The following NLGN1 variants were observed in gnomAD, a reference collection of about 807,000 sequenced individuals.
NLGN1 encodes the protein neuroligin 1, also known as neuroligin-1.
Under a neutral mutation model 65.5 loss-of-function variants are expected in NLGN1, and 12 were observed. The ratio of observed to expected loss-of-function variants is 0.18; its 90% CI spans 0.12 to 0.30. NLGN1 has a LOEUF of 0.30. Ranked by LOEUF, NLGN1 falls within the 10% of genes least tolerant of loss-of-function variation. The probability of loss-of-function intolerance (pLI) is 1.00; values close to 1 mark genes in which losing one functional copy is unlikely to be tolerated. For synonymous variants in NLGN1, 350 were observed against 359.5 expected, an observed-to-expected ratio of 0.97 and a Z score of 0.30; for missense variants, 750 against 1,007.1, an observed-to-expected ratio of 0.74 and a Z score of 3.46.
intron 4 of NLGN1, among the ~76,000 whole-genome samples, chr3:173,822,960 T>C (rs1173172766): frequency 6.6e-6 from 1 of 152,046 alleles, no homozygotes; most frequent in East Asian, 1.9e-4. Context: ...TTTTTGGAAA[T>C]AGAATTAAAA....
chr3:173,993,426 C>T (rs531738404), intron 4 of NLGN1, among the ~76,000 whole-genome samples: 4 of 152,180 alleles, frequency 2.6e-5, no homozygotes, highest in African/African-American at 9.7e-5. Context: ...ATATGATTCA[C>T]TCTCTTTGTT....
rs534613206 is a variant in NLGN1 at position 174,285,067 on chromosome 3, C to T, written c.*3764C>T. The T allele has an allele frequency of 2.6e-5, 4 of 151,334 alleles. No individual in the cohort carries two copies. The South Asian group carries it at 6.2e-4, about 24-fold the overall frequency. 9.4% of individuals were successfully genotyped at this position (151,334 alleles called of 1,614,324 possible). On this transcript the variant is annotated 3_prime_UTR_variant, in exon 7 of 7. Coordinates refer to ENST00000457714, the Ensembl canonical transcript of NLGN1. ...CTCTTGCCACACTCATCCTGACATA[C>T]GTATTAATATCAAAAAATGATACAA... is the stretch of plus-strand genomic sequence containing the variant.
At chr3:174,066,195 G>T (rs1738509015) in intron 4 of NLGN1, among the ~76,000 whole-genome samples, 1 of 152,048 alleles carries the variant, frequency 6.6e-6, no homozygotes, top group African/African-American at 2.4e-5. Flanking sequence ...AATTATTTAT[G>T]ATCTCACTAA....
intron 4 of NLGN1, among the ~76,000 whole-genome samples, chr3:174,080,820 G>T (rs900149665): frequency 6.6e-6 from 1 of 151,506 alleles, no homozygotes; most frequent in African/African-American, 2.4e-5. Context: ...TCTATTGGGA[G>T]ACTGCCTTTC....
chr3:174,067,517 C>T (rs1404211094), intron 4 of NLGN1, among the ~76,000 whole-genome samples: 2 of 152,114 alleles, frequency 1.3e-5, no homozygotes, highest in Non-Finnish European at 2.9e-5. Flanking sequence ...TTTCTTTCTT[C>T]TACCGTTACT....
intron 1 of NLGN1, among the ~76,000 whole-genome samples, chr3:173,403,478 T>C (rs752378319): frequency 3.3e-5 from 5 of 152,246 alleles, no homozygotes; most frequent in South Asian, 4.1e-4. Context: ...CATATATGCT[T>C]TGCACAAATA....
At chr3:173,566,998 A>C (rs1160553386) in intron 2 of NLGN1, among the ~76,000 whole-genome samples, 1 of 152,172 alleles carries the variant, frequency 6.6e-6, no homozygotes, top group Non-Finnish European at 1.5e-5. Flanking sequence ...TCGAGTAAAC[A>C]ATTGGAAATG....
At chr3:173,612,535 T>A (rs2149475295) in intron 3 of NLGN1, among the ~76,000 whole-genome samples, 1 of 152,142 alleles carries the variant, frequency 6.6e-6, no homozygotes, top group Admixed American at 6.6e-5. Context: ...ATCACTCCAA[T>A]TTCTAGCTCT....
intron 1 of NLGN1, among the ~76,000 whole-genome samples, chr3:173,410,388 G>C (rs1351818223): frequency 2.6e-5 from 4 of 152,212 alleles, no homozygotes; most frequent in Non-Finnish European, 4.4e-5. Context: ...GGTGGGACAT[G>C]GTGCTAGGCA....
At chr3:173,620,176 G>A (rs1003591644) in intron 3 of NLGN1, among the ~76,000 whole-genome samples, 1 of 152,158 alleles carries the variant, frequency 6.6e-6, no homozygotes, top group Non-Finnish European at 1.5e-5. Flanking sequence ...GATAAACCAC[G>A]ATAGGGAATA....
chr3:174,203,237 GTC>G (rs1734816183), intron 4 of NLGN1, among the ~76,000 whole-genome samples: 1 of 152,136 alleles, frequency 6.6e-6, no homozygotes, highest in Non-Finnish European at 1.5e-5. Flanking sequence ...GCCCTGTGCA[GTC>G]TCTCAAAGGT....
At chr3:173,474,665 A>G (rs1427894665) in intron 2 of NLGN1, among the ~76,000 whole-genome samples, 1 of 152,178 alleles carries the variant, frequency 6.6e-6, no homozygotes, top group Non-Finnish European at 1.5e-5. Context: ...TGCTTAAGAA[A>G]TGGCAGAAGT....
chr3:173,668,908 G>A (rs1320184061), intron 3 of NLGN1, among the ~76,000 whole-genome samples: 1 of 152,158 alleles, frequency 6.6e-6, no homozygotes, highest in African/African-American at 2.4e-5. Flanking sequence ...ACAGGCGTGA[G>A]CCACTGCACC....
At chr3:174,260,117 CT>C (rs2152856825) in intron 4 of NLGN1, among the ~76,000 whole-genome samples, 1 of 151,896 alleles carries the variant, frequency 6.6e-6, no homozygotes, top group Admixed American at 6.6e-5. Context: ...CAAGTTTTTG[CT>C]ATTGTGAATA....
At chr3:173,820,637 CAG>C (rs1434684004) in intron 4 of NLGN1, among the ~76,000 whole-genome samples, 1 of 152,104 alleles carries the variant, frequency 6.6e-6, no homozygotes, top group African/African-American at 2.4e-5. Flanking sequence ...AATAATAAAA[CAG>C]AGCAATTAAA....
chr3:173,823,731 G>C (rs1720784853), intron 4 of NLGN1, among the ~76,000 whole-genome samples: 1 of 151,954 alleles, frequency 6.6e-6, no homozygotes, highest in South Asian at 2.1e-4. Context: ...GTTCTACATT[G>C]TTGTAAATAA....
At chr3:173,487,720 T>C (rs993556233) in intron 2 of NLGN1, among the ~76,000 whole-genome samples, 1 of 152,194 alleles carries the variant, frequency 6.6e-6, no homozygotes, top group Non-Finnish European at 1.5e-5. Flanking sequence ...CTAATATTTC[T>C]TTTTGCCATA....
chr3:173,817,530 T>G (rs1719278369), intron 4 of NLGN1, among the ~76,000 whole-genome samples: 1 of 152,282 alleles, frequency 6.6e-6, no homozygotes, highest in South Asian at 2.1e-4. Flanking sequence ...AGTATAAGAA[T>G]CTATTTTTTA....
chr3:174,101,692 C>T (rs965371215), intron 4 of NLGN1, among the ~76,000 whole-genome samples: 1 of 152,148 alleles, frequency 6.6e-6, no homozygotes, highest in Non-Finnish European at 1.5e-5. Context: ...TGTTTTTCCG[C>T]AGGCCCTCGC....
Sources: allele counts gnomAD v4.1 joint callset (sites outside exome capture counted in the v4.1 genomes callset), GRCh38; gene constraint gnomAD v4.1.1; transcripts MANE v1.5; gene names NCBI Gene and HGNC (gene_info 2026-07-23, HGNC 2026-07-21).